The following USB1 variants were observed in gnomAD, a reference collection of about 807,000 sequenced individuals.
USB1 encodes U6 snRNA biogenesis phosphodiesterase 1, also known as U6 snRNA phosphodiesterase 1.
In USB1, 21 loss-of-function variants were observed where a neutral mutation model predicts 29.9. The ratio of observed to expected loss-of-function variants is 0.70; its 90% CI spans 0.50 to 1.01. The LOEUF (loss-of-function observed/expected upper bound fraction) is 1.01. Among genes scored for constraint, USB1 ranks in the 50% least tolerant of loss-of-function variants. The pLI is 0.00. For missense variants in USB1, 330 were observed against 347.1 expected (o/e 0.95, Z 0.39); for synonymous variants, 143 against 134.9 (o/e 1.06, Z -0.42).
At chr16:58,012,018 A>C in intron 3 of USB1, 1 of 1,181,940 alleles carries the variant, frequency 8.5e-7, no homozygotes, top group Non-Finnish European at 1.0e-6. Context: ...GTGTTGCACA[A>C]AAGCCTGATG....
chr16:58,017,488 TA>T, intron 5 of USB1, 49 bp downstream of exon 5: 2 of 1,548,244 alleles, frequency 1.3e-6, no homozygotes, highest in Non-Finnish European at 1.8e-6. Flanking sequence ...CTAATGAGAA[TA>T]AAACTGTCTT....
At chr16:58,006,900 G>C (rs1378425840) in intron 2 of USB1, among the ~76,000 whole-genome samples, 1 of 152,084 alleles carries the variant, frequency 6.6e-6, no homozygotes, top group African/African-American at 2.4e-5. Context: ...TCTATTCCTA[G>C]TTTTCTGAGA....
At chr16:58,012,645 G>A in intron 3 of USB1, 1 of 1,279,816 alleles carries the variant, frequency 7.8e-7, no homozygotes, top group Non-Finnish European at 9.9e-7. Context: ...TCTCCTGTGT[G>A]CTTTCTTTGG....
At chr16:58,011,819 CTT>C (rs1963503732) in intron 3 of USB1, 1 of 988,352 alleles carries the variant, frequency 1.0e-6, no homozygotes, top group African/African-American at 1.7e-5. Flanking sequence ...TGCCCCACAG[CTT>C]TTTTCCAAGT....
Position 58,021,208 on chromosome 16 carries a change from T to C in USB1, c.*963T>C, listed in dbSNP as rs1276959408. The stretch of plus-strand genomic sequence containing the variant: ...AGCCAAGGTACAGGGTGATAACTTG[T>C]GGTCCAGCATCAGTTTTCTCCACTT... On this transcript the variant is annotated 3_prime_UTR_variant, in exon 7 of 7. Coordinates refer to ENST00000219281, the MANE Select transcript of USB1 (RefSeq NM_024598.4). 6.6e-6 allele frequency: 1 copy of C among 152,260 alleles called. No homozygotes were observed. Among genetic ancestry groups the C allele is most frequent in the African/African-American group, 2.4e-5 (1 of 41,460 alleles). 9.4% of individuals were successfully genotyped at this position (152,260 alleles called of 1,614,324 possible). A position where few individuals can be genotyped will look rare whatever the true frequency, so the allele number is the denominator to read the frequency against.
rs543492919 is a variant in USB1 at position 58,001,473 on chromosome 16, G to C, written c.-11G>C. On this transcript the variant is annotated 5_prime_UTR_variant, in exon 1 of 7. Coordinates refer to ENST00000219281, the MANE Select transcript of USB1 (RefSeq NM_024598.4). Reference sequence around the variant, plus strand: ...TGGTGGACCTGCTCTGGTGGTCTTGGATGAGGCCCCATGAGCGCGGCGCCC... The same window carrying C: ...TGGTGGACCTGCTCTGGTGGTCTTGCATGAGGCCCCATGAGCGCGGCGCCC... 6.3e-7 allele frequency: 1 copy of C among 1,592,910 alleles called. No homozygotes were observed. The highest frequency in any genetic ancestry group is 8.5e-7 in the Non-Finnish European group (1 of 1,170,528).
Position 58,011,943 on chromosome 16 carries a change from A to G in USB1, c.449+1831A>G, listed in dbSNP as rs767039246. The G allele has an allele frequency of 8.1e-4, 844 of 1,046,782 alleles. 1 individual carries two copies. Among genetic ancestry groups the G allele is most frequent in the Non-Finnish European group, 9.2e-4 (797 of 869,736 alleles). The allele number at this position is 1,046,782 out of a possible 1,614,324, so 64.8% of individuals were successfully genotyped here. A position where few individuals can be genotyped will look rare whatever the true frequency, so the allele number is the denominator to read the frequency against. ...CTACTGTTGATACTAGAAGGAGCCTAAGAAGCCACCCGGCTGATGGTTTTC... is the reference window on the plus strand; with the variant it reads ...CTACTGTTGATACTAGAAGGAGCCTGAGAAGCCACCCGGCTGATGGTTTTC... On this transcript the variant is annotated intron_variant, in intron 3 of 6. Coordinates refer to ENST00000219281, the MANE Select transcript of USB1 (RefSeq NM_024598.4).
chr16:58,007,910 G>A (rs1474789982), intron 2 of USB1, among the ~76,000 whole-genome samples: 1 of 152,072 alleles, frequency 6.6e-6, no homozygotes, highest in Non-Finnish European at 1.5e-5. Flanking sequence ...TTGAACCTGG[G>A]AGGCGGAGAT....
intron 2 of USB1, among the ~76,000 whole-genome samples, chr16:58,008,453 CTTTTTTT>C (rs56262437): frequency 8.7e-6 from 1 of 115,192 alleles, no homozygotes; most frequent in Non-Finnish European, 1.8e-5. Flanking sequence ...TTTTCTTTTT[CTTTTTTT>C]TTTTTTTTTT....
rs1963710919 is a variant in USB1 at position 58,020,461 on chromosome 16, C to A, written c.*216C>A. The A allele has an allele frequency of 1.7e-6, 1 of 604,010 alleles. No homozygotes were observed. Among genetic ancestry groups the A allele is most frequent in the South Asian group, 1.9e-5 (1 of 52,146 alleles). The allele number at this position is 604,010 out of a possible 1,614,324, so 37.4% of individuals were successfully genotyped here. ...TCTTTCTCTCTCTTCTCCTCTCTTT[C>A]TCTCCTCTGTCTCTCTTCCTCTCCT... On this transcript the variant is annotated 3_prime_UTR_variant, in exon 7 of 7. Coordinates refer to ENST00000219281, the MANE Select transcript of USB1 (RefSeq NM_024598.4).
chr16:58,012,268 T>C, intron 3 of USB1: 2 of 1,534,750 alleles, frequency 1.3e-6, no homozygotes, highest in Non-Finnish European at 1.7e-6. Context: ...CCTCTTTGGA[T>C]TGTCATTATC....
intron 3 of USB1, chr16:58,011,512 AT>A: frequency 2.0e-6 from 2 of 1,011,354 alleles, no homozygotes; most frequent in Non-Finnish European, 2.4e-6. Context: ...CGGTTGGCAT[AT>A]CCTGCAGAAT....
intron 2 of USB1, among the ~76,000 whole-genome samples, chr16:58,008,305 T>G (rs74364190): frequency 6.6e-6 from 1 of 152,186 alleles, no homozygotes; most frequent in Non-Finnish European, 1.5e-5. Flanking sequence ...TTGATTTTCT[T>G]TATTGATTTC....
At chr16:58,017,246 G>T in intron 4 of USB1, 88 bp from the exon 5 acceptor site, 1 of 1,217,932 alleles carries the variant, frequency 8.2e-7, no homozygotes, top group Non-Finnish European at 1.2e-6. Flanking sequence ...CAGGCCTCTT[G>T]GCCTTCTGCC....
intron 2 of USB1, among the ~76,000 whole-genome samples, chr16:58,008,647 G>C (rs1246573131): frequency 6.6e-6 from 1 of 151,718 alleles, no homozygotes; most frequent in Non-Finnish European, 1.5e-5. Context: ...GAGACGGGGT[G>C]TCACCATATT....
intron 2 of USB1, among the ~76,000 whole-genome samples, chr16:58,003,242 G>T (rs1963274350): frequency 6.6e-6 from 1 of 152,158 alleles, no homozygotes; most frequent in Non-Finnish European, 1.5e-5. Context: ...CTCGGCAACA[G>T]GTAGAAACCC....
At chr16:58,005,805 C>T (rs1963337888) in intron 2 of USB1, among the ~76,000 whole-genome samples, 3 of 152,132 alleles carry the variant, frequency 2.0e-5, no homozygotes, top group South Asian at 2.1e-4. Context: ...TAGTTTTCCT[C>T]ATATAGATCT....
chr16:58,003,138 G>A (rs1206050009), intron 2 of USB1, among the ~76,000 whole-genome samples: 1 of 152,186 alleles, frequency 6.6e-6, no homozygotes, highest in Non-Finnish European at 1.5e-5. Flanking sequence ...AATGGGGGTA[G>A]CACTGGCTAG....
intron 2 of USB1, 106 bp from the exon 3 acceptor site, chr16:58,009,823 C>G (rs1963447500): frequency 7.5e-7 from 1 of 1,335,074 alleles, no homozygotes; most frequent in Non-Finnish European, 1.1e-6. Flanking sequence ...AATTTTCTCC[C>G]CAAACCCAGA....
Sources: gnomAD v4.1 joint callset for allele counts (sites outside exome capture counted in the v4.1 genomes callset) on GRCh38, gnomAD v4.1.1 for gene constraint, MANE v1.5 for transcripts, NCBI Gene and HGNC (gene_info 2026-07-23, HGNC 2026-07-21) for gene names.